The following SAMMSON variants were observed in gnomAD, a reference collection of about 807,000 sequenced individuals.
The protein encoded by SAMMSON is survival associated mitochondrial melanoma specific oncogenic non-coding RNA.
At chr3:70,178,931 G>A (rs1252691260) in intron 4 of SAMMSON, among the ~76,000 whole-genome samples, 2 of 152,118 alleles carry the variant, frequency 1.3e-5, no homozygotes, top group African/African-American at 4.8e-5. Context: ...AGCCCAGGAG[G>A]TCGAGGCTGC....
chr3:70,122,281 C>T (rs191414671), intron 4 of SAMMSON, among the ~76,000 whole-genome samples: 1 of 152,274 alleles, frequency 6.6e-6, no homozygotes, highest in East Asian at 1.9e-4. Flanking sequence ...CAGCCTTTAC[C>T]TCCTGGGCTC....
intron 7 of SAMMSON, among the ~76,000 whole-genome samples, chr3:70,305,459 T>C (rs980032510): frequency 2.0e-5 from 3 of 152,186 alleles, no homozygotes; most frequent in Non-Finnish European, 4.4e-5. Flanking sequence ...TTAAATGAGA[T>C]ACAAAAAATA....
chr3:70,374,936 C>A (rs185591668), intron 9 of SAMMSON, among the ~76,000 whole-genome samples: 8 of 152,226 alleles, frequency 5.3e-5, no homozygotes, highest in Middle Eastern at 3.4e-3. Flanking sequence ...TCATCTTAAC[C>A]CTTCAACATT....
At position 70,291,018 on chromosome 3, in the gene SAMMSON, T is replaced by C. The variant is rs530373577; in HGVS notation, n.675-161T>C. Among the ~76,000 whole-genome samples the C allele has an allele frequency of 3.3e-5, 5 of 152,336 alleles. No homozygotes were observed. The South Asian group carries it at 1.0e-3, about 32-fold the overall frequency. ...GATGGAAATGCAGAAATCACCGGTCTTCTGCTTCGCTCACGCTGGGAGCAG... is the reference window on the plus strand; with the variant it reads ...GATGGAAATGCAGAAATCACCGGTCCTCTGCTTCGCTCACGCTGGGAGCAG... On this transcript the variant is annotated intron_variant and non_coding_transcript_variant, in intron 6 of 9. Transcript: ENST00000642114.
chr3:70,398,546 A>G (rs1701111494), intron 2 of SAMMSON, among the ~76,000 whole-genome samples: 1 of 152,204 alleles, frequency 6.6e-6, no homozygotes, highest in African/African-American at 2.4e-5. Context: ...TAACTAAACT[A>G]TGTGTTTGAC....
chr3:70,085,517 T>A (rs1270070557), intron 4 of SAMMSON, among the ~76,000 whole-genome samples: 7 of 152,194 alleles, frequency 4.6e-5, no homozygotes, highest in Non-Finnish European at 8.8e-5. Flanking sequence ...TTGATTTGGG[T>A]AGGTTTCCTA....
At chr3:70,205,014 C>G (rs1701277343) in intron 4 of SAMMSON, 1 of 152,062 alleles carries the variant, frequency 6.6e-6, no homozygotes, top group African/African-American at 2.4e-5. Flanking sequence ...TAATCTCTAC[C>G]AAAGCTAGAG....
chr3:70,052,912 A>T (rs73836026), intron 3 of SAMMSON, among the ~76,000 whole-genome samples: 2,885 of 152,250 alleles, frequency 0.019, 95 homozygotes, highest in African/African-American at 0.064. Context: ...AAGAACGTGA[A>T]TGATGTCCCC....
In SAMMSON at chr3:70,298,957, C is replaced by A. The variant is rs1202987002; in HGVS notation, n.739+7714C>A. ...AATACTTCTGCACATATATTTTATG[C>A]AACTAAGCTGAGGCATTGATGTGCA... On this transcript the variant is annotated intron_variant and non_coding_transcript_variant, in intron 7 of 9. Coordinates refer to ENST00000642114, the Ensembl canonical transcript of SAMMSON. Among the ~76,000 whole-genome samples the A allele has an allele frequency of 2.0e-5, 3 of 152,224 alleles. No homozygotes were observed. The South Asian group carries it at 6.2e-4, about 32-fold the overall frequency.
At chr3:70,077,339 A>G (rs1395537654) in intron 4 of SAMMSON, among the ~76,000 whole-genome samples, 2 of 152,182 alleles carry the variant, frequency 1.3e-5, no homozygotes, top group Non-Finnish European at 2.9e-5. Context: ...TTTCTATTAT[A>G]AAAATAAATT....
At chr3:70,052,738 T>A (rs2067151075) in intron 3 of SAMMSON, among the ~76,000 whole-genome samples, 1 of 152,104 alleles carries the variant, frequency 6.6e-6, no homozygotes, top group Non-Finnish European at 1.5e-5. Context: ...TTGTAGGACG[T>A]GTAGCACCTG....
chr3:70,013,729 G>A (rs929045630), intron 3 of SAMMSON: 2 of 152,154 alleles, frequency 1.3e-5, no homozygotes, highest in Non-Finnish European at 2.9e-5. Context: ...TTATGAAGGA[G>A]AATGCAAATT....
intron 4 of SAMMSON, among the ~76,000 whole-genome samples, chr3:70,177,370 C>A (rs1203456765): frequency 6.6e-6 from 1 of 152,188 alleles, no homozygotes; most frequent in East Asian, 1.9e-4. Flanking sequence ...GTGAACTGGT[C>A]TCTTGTCCAG....
At chr3:70,121,302 G>C (rs904702929) in intron 4 of SAMMSON, among the ~76,000 whole-genome samples, 4 of 152,074 alleles carry the variant, frequency 2.6e-5, no homozygotes, top group Admixed American at 1.3e-4. Context: ...TCCCTGGCCC[G>C]AGGGTTGGGG....
At chr3:70,258,014 T>C (rs1252756582) in intron 6 of SAMMSON, among the ~76,000 whole-genome samples, 2 of 152,172 alleles carry the variant, frequency 1.3e-5, no homozygotes, top group Non-Finnish European at 2.9e-5. Context: ...GATGTCAAGG[T>C]AATTAAATGG....
chr3:70,191,592 G>A (rs1576149125), intron 4 of SAMMSON, among the ~76,000 whole-genome samples: 1 of 152,156 alleles, frequency 6.6e-6, no homozygotes, highest in East Asian at 1.9e-4. Flanking sequence ...TATCTTAAAA[G>A]CATTTTGAAG....
rs547111925 is a variant in SAMMSON, at chr3:70,376,914, A to G, written n.914-12660A>G. Among the ~76,000 whole-genome samples the G allele has an allele frequency of 5.9e-5, 9 of 152,142 alleles. No homozygotes were observed. In the East Asian group the frequency reaches 1.7e-3, roughly 29 times the overall value. ...TTGGTTTAATATTAAATATTTTTGA[A>G]TGTCATTAAAAATCCTCACAAATAT... On this transcript the variant is annotated intron_variant and non_coding_transcript_variant, in intron 9 of 9. Transcript: ENST00000642114.
At chr3:70,010,896 C>G (rs148829832) in intron 1 of SAMMSON, among the ~76,000 whole-genome samples, 7 of 152,146 alleles carry the variant, frequency 4.6e-5, no homozygotes, top group East Asian at 3.9e-4. Context: ...CATAAGATCT[C>G]GTGAGACTCA....
At chr3:70,199,428 T>A (rs960928770) in intron 4 of SAMMSON, among the ~76,000 whole-genome samples, 1 of 152,192 alleles carries the variant, frequency 6.6e-6, no homozygotes, top group African/African-American at 2.4e-5. Context: ...GGCACTTGTT[T>A]CCTTCTACCT....
Sources: gnomAD v4.1 joint callset for allele counts (sites outside exome capture counted in the v4.1 genomes callset) on GRCh38, gnomAD v4.1.1 for gene constraint, MANE v1.5 for transcripts, NCBI Gene and HGNC (gene_info 2026-07-23, HGNC 2026-07-21) for gene names.